MYO1E: variants seen among roughly 807,000 people sequenced by gnomAD.
The protein encoded by MYO1E is unconventional myosin-Ie.
In MYO1E, 68 loss-of-function variants were observed where a neutral mutation model predicts 151.1. The observed-to-expected ratio is 0.45, with a 90% CI of 0.37 to 0.55. The LOEUF (loss-of-function observed/expected upper bound fraction) is 0.55. MYO1E is among the 20% of genes least tolerant of loss of function. The pLI is 0.00. For missense variants in MYO1E, 1,363 were observed against 1,389.3 expected, an observed-to-expected ratio of 0.98 and a Z score of 0.30; for synonymous variants, 601 against 501.7, an observed-to-expected ratio of 1.20 and a Z score of -2.64.
intron 27 of MYO1E, 103 bp downstream of exon 27, chr15:59,138,095 T>A (rs1362357937): frequency 9.1e-6 from 13 of 1,432,630 alleles, no homozygotes; most frequent in Non-Finnish European, 1.2e-5. Flanking sequence ...CAAATTGCAG[T>A]TTGAGGAGCC....
chr15:59,178,645 AGTTACTGATCATCT>A, intron 18 of MYO1E, 108 bp from the exon 19 acceptor site: 5 of 1,391,750 alleles, frequency 3.6e-6, no homozygotes, highest in Non-Finnish European at 4.9e-6. Context: ...AGTGCTGCAA[AGTTACTGATCATCT>A]GTTTACCAGC....
chr15:59,138,325 GC>G lies in MYO1E; in HGVS notation c.3122del (p.Gly1041AlafsTer65). 2 of 1,614,214 alleles carry G rather than the reference GC, an allele frequency of 1.2e-6. No homozygotes were observed. On this transcript the variant is annotated frameshift_variant, in exon 27 of 28. Transcript: ENST00000288235. LOFTEE classifies it high-confidence loss of function. ...QTTSRPPPAGGRPKPQPKPKP... is the reference protein window; with the variant it reads ...QTTSRPPPAGXRPKPQPKPKP... The stretch of plus-strand genomic sequence containing the variant: ...TGGGCTTGGGCTGGGGCTTGGGTCT[GC>G]CCCCTGCTGGGGGAGGCCGACTGGT...
intron 1 of MYO1E, among the ~76,000 whole-genome samples, chr15:59,345,294 G>A (rs1293071223): frequency 4.0e-5 from 6 of 151,562 alleles, no homozygotes; most frequent in Admixed American, 2.6e-4. Flanking sequence ...TATTGCAGAA[G>A]AAATACAGCA....
intron 13 of MYO1E, 69 bp downstream of exon 13, chr15:59,210,443 GAC>G: frequency 9.1e-7 from 1 of 1,099,884 alleles, no homozygotes; most frequent in South Asian, 1.3e-5. Context: ...CTAAAACAAT[GAC>G]ACAGAGAATA....
At position 59,208,740 on chromosome 15, in the gene MYO1E, T is replaced by C; in HGVS notation, c.1471A>G (p.Ser491Gly). The C allele has an allele frequency of 6.2e-7, 1 of 1,614,208 alleles. No individual in the cohort carries two copies. The highest frequency in any genetic ancestry group is 1.1e-5 in the South Asian group (1 of 91,084). ...LLQKLQMQIG[S>G]HEHFNSWNQG... ...TTCCAACTGTTGAAGTGCTCATGAC[T>C]CCCAATCTGCATCTGAAGTTTCTGG... is the stretch of plus-strand genomic sequence containing the variant. The change falls in exon 14 of 28, where the codon AGT becomes GGT. Residue 491 changes from serine (S) to glycine (G), a missense_variant. Ser to Gly is a moderately conservative substitution (Grantham distance 56). Coordinates refer to ENST00000288235, the MANE Select transcript of MYO1E (RefSeq NM_004998.4).
intron 1 of MYO1E, among the ~76,000 whole-genome samples, chr15:59,285,416 G>A (rs1307056675): frequency 2.2e-5 from 3 of 137,714 alleles, no homozygotes; most frequent in African/African-American, 5.4e-5. Flanking sequence ...GGAGTGCAGT[G>A]GCACAATCTT....
intron 6 of MYO1E, among the ~76,000 whole-genome samples, chr15:59,230,214 C>CAG (rs2080018471): frequency 4.4e-5 from 2 of 45,900 alleles, no homozygotes; most frequent in Non-Finnish European, 1.7e-4. Context: ...GAGAGAGAGA[C>CAG]AGTGTGTGTT....
intron 19 of MYO1E, 114 bp downstream of exon 19, chr15:59,178,279 C>A (rs527539360): frequency 3.1e-5 from 42 of 1,351,830 alleles, no homozygotes; most frequent in South Asian, 6.9e-5. Context: ...TTTGAGGAGA[C>A]AACATTGATG....
rs772676497 is a variant in MYO1E, at chr15:59,214,715, G to A, written c.1113C>T (p.Ile371=). The A allele has an allele frequency of 1.9e-6, 3 of 1,611,758 alleles. No homozygotes were observed. The highest frequency in any genetic ancestry group is 2.2e-5 in the South Asian group (2 of 91,038). The change falls in exon 11 of 28, where the codon ATC becomes ATT. Residue 371 remains isoleucine (I), a synonymous_variant. Transcript: ENST00000288235. ...ARVFDFLVDS[I]NKAMEKDHEE... ...CATGGTCTTTCTCCATGGCTTTATT[G>A]ATGGACTAGAGAAAGTAAACAGCAT...
At chr15:59,222,097 C>T (rs947038355) in intron 9 of MYO1E, among the ~76,000 whole-genome samples, 3 of 152,160 alleles carry the variant, frequency 2.0e-5, no homozygotes, top group Non-Finnish European at 2.9e-5. Flanking sequence ...CATAATTCAT[C>T]TTTTTCTTTA....
intron 23 of MYO1E, among the ~76,000 whole-genome samples, chr15:59,162,699 A>G (rs2079544851): frequency 1.3e-5 from 2 of 151,742 alleles, no homozygotes; most frequent in Non-Finnish European, 2.9e-5. Context: ...CCACCTACAC[A>G]ATACGTTGGC....
chr15:59,214,901 T>C (rs2079903775), intron 10 of MYO1E, among the ~76,000 whole-genome samples, 181 bp from the exon 11 acceptor site: 1 of 152,184 alleles, frequency 6.6e-6, no homozygotes, highest in African/African-American at 2.4e-5. Flanking sequence ...TCAAGTACTT[T>C]GGAAAACCAC....
chr15:59,247,882 G>C (rs979056301), intron 4 of MYO1E, among the ~76,000 whole-genome samples: 1 of 152,162 alleles, frequency 6.6e-6, no homozygotes, highest in African/African-American at 2.4e-5. Context: ...AGCACTTTGG[G>C]AGGCTGAGGC....
chr15:59,246,772 T>C (rs1480220374), intron 4 of MYO1E, among the ~76,000 whole-genome samples: 5 of 152,152 alleles, frequency 3.3e-5, no homozygotes. Context: ...ACAAGTCAGG[T>C]AAAATACAGA....
chr15:59,203,314 G>A (rs751232181), intron 15 of MYO1E, among the ~76,000 whole-genome samples: 13 of 152,082 alleles, frequency 8.5e-5, no homozygotes, highest in Non-Finnish European at 1.2e-4. Context: ...CTGACAAACT[G>A]CTTTTGAGTA....
chr15:59,180,326 G>A (rs1432184526), intron 18 of MYO1E, among the ~76,000 whole-genome samples: 2 of 152,174 alleles, frequency 1.3e-5, no homozygotes, highest in African/African-American at 4.8e-5. Context: ...AAAATGAGTA[G>A]GTGCTAGGAA....
intron 2 of MYO1E, among the ~76,000 whole-genome samples, chr15:59,264,388 A>G (rs146772665): frequency 1.5e-4 from 23 of 152,344 alleles, no homozygotes; most frequent in African/African-American, 5.3e-4. Context: ...GTCTAAGATA[A>G]GCAGGTACTG....
chr15:59,210,287 T>G (rs929517979), intron 13 of MYO1E, among the ~76,000 whole-genome samples: 15 of 151,944 alleles, frequency 9.9e-5, no homozygotes, highest in African/African-American at 3.6e-4. Context: ...CAATAACAAC[T>G]TCCATTTGTA....
chr15:59,222,978 C>A (rs1404755714), intron 9 of MYO1E, 81 bp downstream of exon 9: 3 of 1,586,074 alleles, frequency 1.9e-6, no homozygotes, highest in Non-Finnish European at 1.7e-6. Context: ...CATTTGAGAT[C>A]TAAGCAAAGG....
Sources: allele counts gnomAD v4.1 joint callset (sites outside exome capture counted in the v4.1 genomes callset), GRCh38; gene constraint gnomAD v4.1.1; transcripts MANE v1.5; gene names NCBI Gene and HGNC (gene_info 2026-07-23, HGNC 2026-07-21).